TBCK: variants seen among roughly 807,000 people sequenced by gnomAD.
TBCK encodes the protein TBC1 domain containing kinase, also known as TBC domain-containing protein kinase-like protein.
TBCK carries 99 observed loss-of-function variants against 113.4 expected under a neutral mutation model. The observed-to-expected ratio is 0.87, with a 90% CI of 0.74 to 1.03. The LOEUF is 1.03. Among genes scored for constraint, TBCK ranks in the 50% least tolerant of loss-of-function variants. TBCK has a pLI of 0.00. For synonymous variants in TBCK, 369 were observed against 370.8 expected, an observed-to-expected ratio of 1.00 and a Z score of 0.05; for missense variants, 1,045 against 1,061.3, an observed-to-expected ratio of 0.98 and a Z score of 0.21.
intron 24 of TBCK, among the ~76,000 whole-genome samples, chr4:106,111,359 C>T (rs77033836): frequency 0.027 from 4,089 of 152,320 alleles, 168 homozygotes; most frequent in African/African-American, 0.093. Context: ...TCCCCTCCCA[C>T]GTGGCAATTC....
rs1193204983 is a variant in TBCK at position 106,236,370 on chromosome 4, T to G, written c.1350+20A>C. ...TTCCATATGGGCTATTGTTAACACT[T>G]TATACTTTAGAATCCATACCTTTAG... is the stretch of plus-strand genomic sequence containing the variant. On this transcript the variant is annotated intron_variant, in intron 14 of 25. Coordinates refer to ENST00000394708, the MANE Select transcript of TBCK (RefSeq NM_001163435.3). 1 of 1,432,932 alleles carries G rather than the reference T, an allele frequency of 7.0e-7. No individual in the cohort carries two copies. The highest frequency in any genetic ancestry group is 1.5e-5 in the African/African-American group (1 of 68,404). 88.8% of individuals were successfully genotyped at this position (1,432,932 alleles called of 1,614,324 possible). A position where few individuals can be genotyped will look rare whatever the true frequency, so the allele number is the denominator to read the frequency against.
chr4:106,260,953 T>C (rs1162501928), intron 4 of TBCK, among the ~76,000 whole-genome samples: 1 of 152,066 alleles, frequency 6.6e-6, no homozygotes, highest in Non-Finnish European at 1.5e-5. Flanking sequence ...AAAACTTAAC[T>C]TGAAAAGATC....
chr4:106,087,571 GA>G (rs1321816288), intron 25 of TBCK, among the ~76,000 whole-genome samples: 4 of 152,102 alleles, frequency 2.6e-5, no homozygotes, highest in African/African-American at 9.7e-5. Flanking sequence ...CACAGAATTA[GA>G]AAAAACTATT....
intron 24 of TBCK, among the ~76,000 whole-genome samples, chr4:106,099,115 TCAAA>T (rs1401925912): frequency 2.0e-5 from 3 of 152,040 alleles, no homozygotes; most frequent in Admixed American, 6.6e-5. Flanking sequence ...TGTACTTCAA[TCAAA>T]CAGAAAAAAA....
chr4:106,302,936 A>C (rs1767102238), intron 2 of TBCK, among the ~76,000 whole-genome samples: 1 of 152,254 alleles, frequency 6.6e-6, no homozygotes, highest in Non-Finnish European at 1.5e-5. Context: ...TTTTTTGAAC[A>C]AAAATTAACT....
intron 24 of TBCK, among the ~76,000 whole-genome samples, chr4:106,101,184 T>C (rs751757766): frequency 6.6e-6 from 1 of 152,286 alleles, no homozygotes; most frequent in African/African-American, 2.4e-5. Context: ...GGCTGGCTGA[T>C]TGAATGAGAC....
At chr4:106,211,923 GT>G (rs1353844474) in intron 20 of TBCK, among the ~76,000 whole-genome samples, 2 of 151,648 alleles carry the variant, frequency 1.3e-5, no homozygotes, top group Non-Finnish European at 2.9e-5. Flanking sequence ...GAACATTTTG[GT>G]TTTTTATCAA....
At chr4:106,160,246 C>A (rs1292656605) in intron 23 of TBCK, among the ~76,000 whole-genome samples, 1 of 151,810 alleles carries the variant, frequency 6.6e-6, no homozygotes. Flanking sequence ...GACACCAAAG[C>A]CCTAGGTGAC....
intron 24 of TBCK, among the ~76,000 whole-genome samples, chr4:106,114,392 C>A (rs1197458292): frequency 6.6e-6 from 1 of 152,168 alleles, no homozygotes; most frequent in Non-Finnish European, 1.5e-5. Flanking sequence ...TGGAACCTGG[C>A]CTTTAATCAT....
chr4:106,109,215 C>T (rs1186001314), intron 24 of TBCK, among the ~76,000 whole-genome samples: 1 of 152,086 alleles, frequency 6.6e-6, no homozygotes, highest in African/African-American at 2.4e-5. Context: ...AAGCAATATA[C>T]AGTTTCAATG....
chr4:106,278,501 G>C (rs562976147), intron 3 of TBCK, among the ~76,000 whole-genome samples: 1 of 141,738 alleles, frequency 7.1e-6, no homozygotes, highest in South Asian at 2.4e-4. Context: ...AGAGGTTGCA[G>C]TGAGCCCAGA....
chr4:106,233,116 T>C lies in TBCK; in HGVS notation c.1513-52A>G, dbSNP rs13138528. The C allele has an allele frequency of 0.62, 942,769 of 1,517,996 alleles. 294,260 individuals carry two copies. Among genetic ancestry groups the C allele is most frequent in the Middle Eastern group, 0.64 (3,687 of 5,784 alleles). The allele number at this position is 1,517,996 out of a possible 1,614,324, so 94.0% of individuals were successfully genotyped here. A position where few individuals can be genotyped will look rare whatever the true frequency, so the allele number is the denominator to read the frequency against. ...GAAACAGTAATTGTGTAATCAGCAA[T>C]AAACCCTTAATCCTTGTTCATTAAA... On this transcript the variant is annotated intron_variant, in intron 16 of 25. Transcript: ENST00000394708.
chr4:106,252,336 G>A (rs1560912741), intron 5 of TBCK, among the ~76,000 whole-genome samples: 1 of 151,654 alleles, frequency 6.6e-6, no homozygotes, highest in South Asian at 2.1e-4. Flanking sequence ...TTCCCTTAAC[G>A]CTGAATTAAT....
chr4:106,116,233 A>C lies in TBCK; in HGVS notation c.2381T>G (p.Leu794Arg). The stretch of plus-strand genomic sequence containing the variant: ...ACTATTCCGGATGTCAACCACCAGG[A>C]GCTTTGGTTTACTGGACTTTGTTTT... Reference protein sequence around the residue: ...SKKTKSSKPKLLVVDIRNSED... With the variant: ...SKKTKSSKPKRLVVDIRNSED... Residue 794 changes from leucine (L) to arginine (R), a missense_variant, in exon 24 of 26, where the codon CTC becomes CGC. By Grantham distance (102) the Leu-to-Arg change is moderately radical (BLOSUM62 -2). Coordinates refer to ENST00000394708, the MANE Select transcript of TBCK (RefSeq NM_001163435.3). 6.2e-7 allele frequency: 1 copy of C among 1,614,070 alleles called. No homozygotes were observed. Among genetic ancestry groups the C allele is most frequent in the African/African-American group, 1.3e-5 (1 of 74,996 alleles).
At chr4:106,266,364 C>T (rs566663693) in intron 3 of TBCK, among the ~76,000 whole-genome samples, 1 of 151,876 alleles carries the variant, frequency 6.6e-6, no homozygotes, top group East Asian at 1.9e-4. Flanking sequence ...ATGCCATATT[C>T]AGCTATGACA....
intron 3 of TBCK, among the ~76,000 whole-genome samples, chr4:106,280,534 A>G (rs997897850): frequency 2.6e-5 from 4 of 152,084 alleles, no homozygotes; most frequent in African/African-American, 7.2e-5. Context: ...GTTTTCATCA[A>G]TGTCTCCTTG....
At chr4:106,289,117 G>A (rs1765411440) in intron 3 of TBCK, among the ~76,000 whole-genome samples, 1 of 152,172 alleles carries the variant, frequency 6.6e-6, no homozygotes, top group South Asian at 2.1e-4. Flanking sequence ...GGACATTTGA[G>A]TTCTACCCAG....
chr4:106,283,475 T>C (rs1346963011), intron 3 of TBCK, among the ~76,000 whole-genome samples: 3 of 152,148 alleles, frequency 2.0e-5, no homozygotes, highest in Non-Finnish European at 2.9e-5. Context: ...CAGTAAGATG[T>C]ATTACTTGAA....
intron 24 of TBCK, 134 bp from the exon 25 acceptor site, chr4:106,095,775 G>A: frequency 1.6e-6 from 1 of 641,784 alleles, no homozygotes; most frequent in Admixed American, 3.5e-5. Flanking sequence ...TTATCTAAAT[G>A]AAGTAAGGCA....
Sources: allele counts gnomAD v4.1 joint callset (sites outside exome capture counted in the v4.1 genomes callset), GRCh38; gene constraint gnomAD v4.1.1; transcripts MANE v1.5; gene names NCBI Gene and HGNC (gene_info 2026-07-23, HGNC 2026-07-21).